The following FRMD3 variants were observed in gnomAD, a reference collection of about 807,000 sequenced individuals.
FRMD3 encodes the protein FERM domain containing 3.
FRMD3 carries 33 observed loss-of-function variants against 70.2 expected under a neutral mutation model. The ratio of observed to expected loss-of-function variants is 0.47; its 90% CI spans 0.36 to 0.63. The LOEUF (loss-of-function observed/expected upper bound fraction) is 0.63. Among genes scored for constraint, FRMD3 ranks in the 20% least tolerant of loss-of-function variants. FRMD3 has a pLI of 0.00. For synonymous variants in FRMD3, 279 were observed against 255.9 expected, an observed-to-expected ratio of 1.09 and a Z score of -0.86; for missense variants, 632 against 711.4, an observed-to-expected ratio of 0.89 and a Z score of 1.27.
chr9:83,318,178 T>C lies in FRMD3; in HGVS notation c.597-4431A>G, dbSNP rs80130981. 9.6e-4 allele frequency among the ~76,000 whole-genome samples: 146 copies of C among 152,326 alleles called. 1 individual carries two copies. In the East Asian group the frequency reaches 0.026, roughly 27 times the overall value. On this transcript the variant is annotated intron_variant, in intron 6 of 13. Transcript: ENST00000304195. ...AGATTTCCTATGTGCATATATTCCA[T>C]AGTGTTAAAGTCTGGGCTTTTAGTG... is the stretch of plus-strand genomic sequence containing the variant.
At chr9:83,438,474 C>A (rs1447475182) in intron 1 of FRMD3, among the ~76,000 whole-genome samples, 1 of 152,116 alleles carries the variant, frequency 6.6e-6, no homozygotes, top group Non-Finnish European at 1.5e-5. Context: ...GGCTGGAGTG[C>A]AATGGCACAA....
At chr9:83,402,806 C>G (rs1029352394) in intron 1 of FRMD3, among the ~76,000 whole-genome samples, 2 of 151,648 alleles carry the variant, frequency 1.3e-5, no homozygotes, top group Non-Finnish European at 1.5e-5. Context: ...CGGTCTAAAC[C>G]ACAGTAACAC....
At position 83,248,471 on chromosome 9, in the gene FRMD3, G is replaced by A. The variant is rs1333999524; in HGVS notation, c.1241C>T (p.Ser414Phe). The A allele has an allele frequency of 3.7e-6, 6 of 1,612,820 alleles. No homozygotes were observed. Among genetic ancestry groups the A allele is most frequent in the Non-Finnish European group, 5.1e-6 (6 of 1,179,864 alleles). ...CCGGGCTGCCTTCACTGGGGAGCTG[G>A]AGATCAAGGGAGCAGAAATGTTCTC... ...KEENISAPLI[S>F]SSPVKAAREY... Residue 414 changes from serine (S) to phenylalanine (F), a missense_variant, in exon 14 of 14, where the codon TCC becomes TTC. By Grantham distance (155) the Ser-to-Phe change is radical. Transcript: ENST00000304195.
chr9:83,537,252 G>C lies in FRMD3; in HGVS notation c.147+833C>G, dbSNP rs1829916602. Among the ~76,000 whole-genome samples the C allele has an allele frequency of 6.6e-6, 1 of 152,102 alleles. No homozygotes were observed. Among genetic ancestry groups the C allele is most frequent in the South Asian group, 2.1e-4 (1 of 4,820 alleles). On this transcript the variant is annotated intron_variant, in intron 1 of 13. Coordinates refer to ENST00000304195, the MANE Select transcript of FRMD3 (RefSeq NM_174938.6). The surrounding 1 kb of genome is among the most constrained non-coding windows in gnomAD (Gnocchi z 4.1). Reference sequence around the variant, plus strand: ...AGAGGCACTTACTACCCGAGGACAGGGCTGCCAGCAAAGCTGCCTTCTCCC... The same window carrying C: ...AGAGGCACTTACTACCCGAGGACAGCGCTGCCAGCAAAGCTGCCTTCTCCC...
At chr9:83,522,432 A>G (rs1253686345) in intron 1 of FRMD3, among the ~76,000 whole-genome samples, 1 of 152,178 alleles carries the variant, frequency 6.6e-6, no homozygotes, top group Non-Finnish European at 1.5e-5. Context: ...GAGCTGTGCG[A>G]GGCACAGGCA....
chr9:83,303,874 G>A (rs1161266939), intron 10 of FRMD3, among the ~76,000 whole-genome samples: 2 of 152,142 alleles, frequency 1.3e-5, no homozygotes, highest in Non-Finnish European at 2.9e-5. Flanking sequence ...ACTGCAATGG[G>A]TATTGGCAGT....
chr9:83,487,530 G>C (rs1828713808), intron 1 of FRMD3, among the ~76,000 whole-genome samples: 1 of 152,186 alleles, frequency 6.6e-6, no homozygotes, highest in African/African-American at 2.4e-5. Flanking sequence ...GATACTGCTA[G>C]AGTTAGTGAA....
At chr9:83,397,623 C>T (rs1454112526) in intron 1 of FRMD3, among the ~76,000 whole-genome samples, 1 of 152,142 alleles carries the variant, frequency 6.6e-6, no homozygotes, top group Non-Finnish European at 1.5e-5. Flanking sequence ...CAGGACCCCT[C>T]TATGATAAAC....
chr9:83,305,914 C>T (rs943574981), intron 10 of FRMD3, among the ~76,000 whole-genome samples: 1 of 152,218 alleles, frequency 6.6e-6, no homozygotes, highest in Non-Finnish European at 1.5e-5. Context: ...GAAGGGACTT[C>T]TCTGACATGC....
chr9:83,355,278 A>G (rs1420925588), intron 3 of FRMD3, among the ~76,000 whole-genome samples: 1 of 152,206 alleles, frequency 6.6e-6, no homozygotes, highest in African/African-American at 2.4e-5. Flanking sequence ...AGTACAGGAA[A>G]TGTCTGATGA....
intron 1 of FRMD3, among the ~76,000 whole-genome samples, chr9:83,465,011 C>T (rs1025992768): frequency 1.1e-4 from 13 of 119,596 alleles, no homozygotes; most frequent in Admixed American, 8.7e-5. Flanking sequence ...CAGAGAGAAA[C>T]TCTGTCTCAA....
the FRMD3 span, among the ~76,000 whole-genome samples, chr9:83,554,367 T>C: frequency 6.6e-6 from 1 of 152,196 alleles, no homozygotes; most frequent in Non-Finnish European, 1.5e-5. Flanking sequence ...AGTGTTTATG[T>C]TCCTTTCCCA....
At chr9:83,319,665 T>C (rs537143480) in intron 6 of FRMD3, among the ~76,000 whole-genome samples, 66 of 152,290 alleles carry the variant, frequency 4.3e-4, no homozygotes, top group Non-Finnish European at 6.9e-4. Context: ...CAAGTGACCA[T>C]GTGTTGTGGG....
At chr9:83,545,826 T>C in the FRMD3 span, among the ~76,000 whole-genome samples, 1 of 152,176 alleles carries the variant, frequency 6.6e-6, no homozygotes, top group African/African-American at 2.4e-5. Flanking sequence ...GCTAGAGATT[T>C]ACACATCCAG....
chr9:83,307,776 T>A (rs1344240882), intron 10 of FRMD3, among the ~76,000 whole-genome samples: 2 of 152,144 alleles, frequency 1.3e-5, no homozygotes, highest in Non-Finnish European at 2.9e-5. Context: ...CACAAAACTG[T>A]ATACTTTAAA....
At chr9:83,440,580 G>A (rs1201833771) in intron 1 of FRMD3, among the ~76,000 whole-genome samples, 1 of 152,158 alleles carries the variant, frequency 6.6e-6, no homozygotes, top group East Asian at 1.9e-4. Context: ...CACAGGACGA[G>A]GGGCAACATT....
chr9:83,511,844 G>C (rs1207021159), intron 1 of FRMD3, among the ~76,000 whole-genome samples: 1 of 152,202 alleles, frequency 6.6e-6, no homozygotes, highest in African/African-American at 2.4e-5. Flanking sequence ...CTAAAATCCT[G>C]AGGAGCAGGT....
chr9:83,576,766 A>G, the FRMD3 span, among the ~76,000 whole-genome samples: 1 of 152,252 alleles, frequency 6.6e-6, no homozygotes, highest in Admixed American at 6.5e-5. Flanking sequence ...TTGGGCAAGA[A>G]AAAAATAATA....
intron 10 of FRMD3, among the ~76,000 whole-genome samples, chr9:83,299,678 A>C (rs1834825907): frequency 6.6e-6 from 1 of 152,224 alleles, no homozygotes; most frequent in East Asian, 1.9e-4. Flanking sequence ...CTCACTGTGC[A>C]TTGCCCAAGT....
Sources: allele counts gnomAD v4.1 joint callset (sites outside exome capture counted in the v4.1 genomes callset), GRCh38; gene constraint gnomAD v4.1.1; non-coding constraint Gnocchi (gnomAD v3.1); transcripts MANE v1.5; gene names NCBI Gene and HGNC (gene_info 2026-07-23, HGNC 2026-07-21).